PRKN: variants seen among roughly 807,000 people sequenced by gnomAD.
The protein encoded by PRKN is parkin RBR E3 ubiquitin protein ligase, also known as E3 ubiquitin-protein ligase parkin.
A neutral mutation model predicts 59.5 loss-of-function variants in PRKN; 56 were observed. The observed-to-expected ratio is 0.94, with a 90% CI of 0.76 to 1.18. The LOEUF (loss-of-function observed/expected upper bound fraction) is 1.18, where lower values mean the gene tolerates loss of function less well. PRKN is among the 50% of genes most tolerant of loss of function. The pLI, the probability that PRKN is intolerant of heterozygous loss-of-function variation, is 0.00. For synonymous variants in PRKN, 250 were observed against 222.1 expected, an observed-to-expected ratio of 1.13 and a Z score of -1.12; for missense variants, 657 against 596.4, an observed-to-expected ratio of 1.10 and a Z score of -1.06.
chr6:162,695,585 CTT>C (rs2128235887), intron 1 of PRKN, among the ~76,000 whole-genome samples: 1 of 152,148 alleles, frequency 6.6e-6, no homozygotes, highest in South Asian at 2.1e-4. Flanking sequence ...TTAAAAAACT[CTT>C]TATACTTTAC....
At chr6:162,394,098 T>C (rs915900719) in intron 2 of PRKN, among the ~76,000 whole-genome samples, 12 of 152,212 alleles carry the variant, frequency 7.9e-5, no homozygotes, top group African/African-American at 2.9e-4. Flanking sequence ...ATTTCCTATT[T>C]TCCCATAATA....
chr6:161,994,323 A>G (rs750644473), intron 5 of PRKN, among the ~76,000 whole-genome samples: 3 of 152,162 alleles, frequency 2.0e-5, no homozygotes, highest in Non-Finnish European at 4.4e-5. Context: ...AAAATTCAAC[A>G]TTCCTTCATG....
chr6:162,479,757 G>GTTTTTTTTTTTTTTT (rs749892002), intron 1 of PRKN, among the ~76,000 whole-genome samples: 1 of 148,554 alleles, frequency 6.7e-6, no homozygotes. Flanking sequence ...ACAGTTATCT[G>GTTTTTTTTTTTTTTT]TTTTTTTTTC....
intron 7 of PRKN, among the ~76,000 whole-genome samples, chr6:161,762,808 C>A (rs905844415): frequency 1.3e-5 from 2 of 152,166 alleles, no homozygotes; most frequent in Non-Finnish European, 1.5e-5. Context: ...CTCAAATATA[C>A]TGGCACCAAG....
chr6:162,042,436 C>T (rs564558585), intron 5 of PRKN, among the ~76,000 whole-genome samples: 1 of 148,238 alleles, frequency 6.7e-6, no homozygotes, highest in Admixed American at 6.8e-5. Flanking sequence ...AGATTACAGG[C>T]ATGTACCCAG....
chr6:162,468,798 C>A (rs1791565882), intron 1 of PRKN, among the ~76,000 whole-genome samples: 1 of 152,202 alleles, frequency 6.6e-6, no homozygotes, highest in Admixed American at 6.5e-5. Context: ...CATTTCAGAT[C>A]TCTGCCCTGT....
chr6:162,434,191 T>C (rs1327702411), intron 2 of PRKN, among the ~76,000 whole-genome samples: 5 of 152,202 alleles, frequency 3.3e-5, no homozygotes, highest in Admixed American at 6.5e-5. Context: ...TGTGAAGACA[T>C]ATATGTACAA....
rs1001920996 is a variant in PRKN, at chr6:162,056,042, A to C, written c.535-1868T>G. ...GCACACAGCATGCCACACACCACACATGCATAAACACACCACATACATACA... is the reference window on the plus strand; with the variant it reads ...GCACACAGCATGCCACACACCACACCTGCATAAACACACCACATACATACA... On this transcript the variant is annotated intron_variant, in intron 4 of 11. Coordinates refer to ENST00000366898, the MANE Select transcript of PRKN (RefSeq NM_004562.3). The surrounding 1 kb of genome is among the most constrained non-coding windows in gnomAD (Gnocchi z 4.9). Among the ~76,000 whole-genome samples, 1 of 150,352 alleles carries C rather than the reference A, an allele frequency of 6.7e-6. No individual in the cohort carries two copies. Among genetic ancestry groups the C allele is most frequent in the African/African-American group, 2.5e-5 (1 of 40,498 alleles).
Position 162,374,390 on chromosome 6 carries a change from GT to G in PRKN, c.171+68919del, listed in dbSNP as rs35660808. Reference sequence around the variant, plus strand: ...AGGAGATAAAACCTGGTCTGCTATAGTTTTTTTTTTTTTTTAAGTTTTAGTT... The same window carrying G: ...AGGAGATAAAACCTGGTCTGCTATAGTTTTTTTTTTTTTTAAGTTTTAGTT... On this transcript the variant is annotated intron_variant, in intron 2 of 11. Transcript: ENST00000366898. Among the ~76,000 whole-genome samples, 752 of 144,426 alleles carry G rather than the reference GT, an allele frequency of 5.2e-3. 8 individuals carry two copies. The highest frequency in any genetic ancestry group is 0.031 in the East Asian group (157 of 4,988). The allele number at this position is 144,426 out of a possible 152,430, so 94.7% of individuals were successfully genotyped here.
chr6:161,998,573 T>G (rs1315907423), intron 5 of PRKN, among the ~76,000 whole-genome samples: 2 of 152,144 alleles, frequency 1.3e-5, no homozygotes. Flanking sequence ...TAGTTACAGC[T>G]TTCTACTCTG....
At chr6:162,510,516 G>A (rs1777556202) in intron 1 of PRKN, among the ~76,000 whole-genome samples, 1 of 152,130 alleles carries the variant, frequency 6.6e-6, no homozygotes, top group Non-Finnish European at 1.5e-5. Context: ...CTGCTCTCTG[G>A]GGAGCAGGGT....
At chr6:162,496,685 T>G (rs1793077327) in intron 1 of PRKN, among the ~76,000 whole-genome samples, 1 of 152,202 alleles carries the variant, frequency 6.6e-6, no homozygotes, top group Non-Finnish European at 1.5e-5. Context: ...TAAGCCTTGG[T>G]TTTTCTCCTT....
At chr6:162,386,195 A>G (rs936837581) in intron 2 of PRKN, among the ~76,000 whole-genome samples, 2 of 152,182 alleles carry the variant, frequency 1.3e-5, no homozygotes, top group African/African-American at 4.8e-5. Flanking sequence ...ATGCTGAGAG[A>G]CTGGATGGTG....
intron 2 of PRKN, among the ~76,000 whole-genome samples, chr6:162,316,146 G>C (rs1452203187): frequency 6.6e-6 from 1 of 151,860 alleles, no homozygotes; most frequent in Non-Finnish European, 1.5e-5. Flanking sequence ...ATCAAGAGGA[G>C]CAGTGGCCAG....
At chr6:162,490,759 T>G (rs79719219) in intron 1 of PRKN, among the ~76,000 whole-genome samples, 1 of 152,190 alleles carries the variant, frequency 6.6e-6, no homozygotes, top group African/African-American at 2.4e-5. Flanking sequence ...AAAGTTTAAA[T>G]GGAAAGATGG....
intron 7 of PRKN, among the ~76,000 whole-genome samples, chr6:161,645,393 G>A (rs778517707): frequency 6.6e-6 from 1 of 152,306 alleles, no homozygotes; most frequent in African/African-American, 2.4e-5. Flanking sequence ...ATGGAAATCA[G>A]TTGGAATTAT....
At chr6:162,412,509 T>C (rs957216415) in intron 2 of PRKN, among the ~76,000 whole-genome samples, 1 of 152,012 alleles carries the variant, frequency 6.6e-6, no homozygotes, top group Non-Finnish European at 1.5e-5. Flanking sequence ...TAAGGGCTAC[T>C]TAACTAACTT....
intron 7 of PRKN, among the ~76,000 whole-genome samples, chr6:161,684,911 A>G (rs1364369335): frequency 6.6e-6 from 1 of 152,172 alleles, no homozygotes; most frequent in Non-Finnish European, 1.5e-5. Context: ...CCACATCTCC[A>G]TCTATTTCAT....
chr6:162,447,605 T>C (rs925624456), intron 1 of PRKN, among the ~76,000 whole-genome samples: 26 of 152,200 alleles, frequency 1.7e-4, no homozygotes, highest in African/African-American at 5.5e-4. Context: ...AGGAAGTGAA[T>C]GGGTGGGAAG....
Sources: allele counts gnomAD v4.1 joint callset (sites outside exome capture counted in the v4.1 genomes callset), GRCh38; gene constraint gnomAD v4.1.1; non-coding constraint Gnocchi (gnomAD v3.1); transcripts MANE v1.5; gene names NCBI Gene and HGNC (gene_info 2026-07-23, HGNC 2026-07-21).